The following TULP4 variants were observed in gnomAD, a reference collection of about 807,000 sequenced individuals.
The protein encoded by TULP4 is TUB like protein 4.
TULP4 carries 16 observed loss-of-function variants against 129.0 expected under a neutral mutation model. That is an observed-to-expected ratio of 0.12 (90% CI 0.08 to 0.19). The LOEUF (loss-of-function observed/expected upper bound fraction) is 0.19. Among genes scored for constraint, TULP4 ranks in the 10% least tolerant of loss-of-function variants. TULP4 has a pLI of 1.00. For synonymous variants in TULP4, 998 were observed against 854.0 expected, an observed-to-expected ratio of 1.17 and a Z score of -2.94; for missense variants, 1,842 against 2,059.1, an observed-to-expected ratio of 0.89 and a Z score of 2.04.
At chr6:158,470,402 CT>C (rs1160888820) in intron 6 of TULP4, among the ~76,000 whole-genome samples, 1 of 152,256 alleles carries the variant, frequency 6.6e-6, no homozygotes, top group Admixed American at 6.5e-5. Context: ...CCGTTGCCGG[CT>C]TGAATGCCTG....
At chr6:158,481,608 G>A (rs1214680225) in intron 8 of TULP4, 9 of 394,524 alleles carry the variant, frequency 2.3e-5, no homozygotes, top group East Asian at 4.7e-5. Context: ...AGTATTCATC[G>A]AGTGCCTTCA....
chr6:158,490,380 A>G (rs2128254942), intron 9 of TULP4, among the ~76,000 whole-genome samples: 2 of 152,292 alleles, frequency 1.3e-5, no homozygotes, highest in Admixed American at 1.3e-4. Context: ...GCAATAGAGC[A>G]AGACTGCACC....
chr6:158,372,142 T>TTA (rs10634551), intron 1 of TULP4, among the ~76,000 whole-genome samples: 71,480 of 120,716 alleles, frequency 0.59, 22,118 homozygotes, highest in South Asian at 0.62. Context: ...TTTTTTTTTT[T>TTA]AATACAATTC....
chr6:158,498,645 T>A (rs750136346), intron 11 of TULP4, 24 bp from the exon 12 acceptor site: 1 of 1,614,104 alleles, frequency 6.2e-7, no homozygotes, highest in East Asian at 2.2e-5. Context: ...CTCTGTTAAC[T>A]GTGCCCTTCT....
intron 1 of TULP4, among the ~76,000 whole-genome samples, chr6:158,301,014 T>C (rs1779121592): frequency 6.6e-6 from 1 of 152,246 alleles, no homozygotes; most frequent in African/African-American, 2.4e-5. Flanking sequence ...TAGAGTGGTA[T>C]GAGATCTAAT....
chr6:158,509,145 C>T lies in TULP4; in HGVS notation c.*2451C>T, dbSNP rs1310022036. Reference sequence around the variant, plus strand: ...CCTCAGGTGATCCGCCCGCCTCGGCCTCCCAAAGTGCTGGGATTACAGACG... The same window carrying T: ...CCTCAGGTGATCCGCCCGCCTCGGCTTCCCAAAGTGCTGGGATTACAGACG... On this transcript the variant is annotated 3_prime_UTR_variant, in exon 14 of 14. Transcript: ENST00000367097. 6.6e-6 allele frequency: 1 copy of T among 152,014 alleles called. No individual in the cohort carries two copies. The highest frequency in any genetic ancestry group is 1.5e-5 in the Non-Finnish European group (1 of 68,012). The allele number at this position is 152,014 out of a possible 1,614,324, so 9.4% of individuals were successfully genotyped here.
At chr6:158,293,197 A>C (rs1247102476) in intron 1 of TULP4, among the ~76,000 whole-genome samples, 1 of 152,248 alleles carries the variant, frequency 6.6e-6, no homozygotes, top group Non-Finnish European at 1.5e-5. Flanking sequence ...AATAGGGAGT[A>C]GCTTTCCTTG....
chr6:158,260,946 G>A (rs999175425), intron 1 of TULP4, among the ~76,000 whole-genome samples: 15 of 151,366 alleles, frequency 9.9e-5, no homozygotes, highest in Non-Finnish European at 1.6e-4. Flanking sequence ...TCAGCCTCCC[G>A]AGTAGCTGGG....
rs1453386849 is a variant in TULP4 at position 158,478,951 on chromosome 6, C to CGTCA, written c.1027-797_1027-794dup. Among the ~76,000 whole-genome samples the CGTCA allele has an allele frequency of 2.0e-5, 3 of 152,242 alleles. No homozygotes were observed. In the East Asian group the frequency reaches 5.8e-4, roughly 29 times the overall value. On this transcript the variant is annotated intron_variant, in intron 6 of 13. Transcript: ENST00000367097. ...TCCAGGGAGCTTTCTTTCCCTGCAC[C>CGTCA]GTCAGTGCCAAGGGAGGCTGAAAAT...
At chr6:158,250,762 C>T (rs1466241813) in intron 1 of TULP4, among the ~76,000 whole-genome samples, 2 of 152,140 alleles carry the variant, frequency 1.3e-5, no homozygotes, top group African/African-American at 2.4e-5. Flanking sequence ...CTTTCTCCCC[C>T]ACATGACTGA....
At chr6:158,262,977 A>G (rs2128458256) in intron 1 of TULP4, among the ~76,000 whole-genome samples, 1 of 152,286 alleles carries the variant, frequency 6.6e-6, no homozygotes, top group South Asian at 2.1e-4. Context: ...TAATAATACC[A>G]TATGTGTGGA....
rs533905790 is a variant in TULP4 at position 158,312,946 on chromosome 6, T to C, written c.-1071T>C. 6.6e-6 allele frequency: 1 copy of C among 152,362 alleles called. No individual in the cohort carries two copies. Among genetic ancestry groups the C allele is most frequent in the African/African-American group, 2.4e-5 (1 of 41,564 alleles). The allele number at this position is 152,362 out of a possible 1,614,324, so 9.4% of individuals were successfully genotyped here. Reference sequence around the variant, plus strand: ...ACTTCCCTGTCAAGTCCAAGAAGACTTGCGTATGAGAAGATTACCTGATGG... The same window carrying C: ...ACTTCCCTGTCAAGTCCAAGAAGACCTGCGTATGAGAAGATTACCTGATGG... On this transcript the variant is annotated 5_prime_UTR_variant, in exon 1 of 14. Transcript: ENST00000367097.
upstream of TULP4, among the ~76,000 whole-genome samples, chr6:158,307,984 A>G (rs1779246522): frequency 6.6e-6 from 1 of 151,632 alleles, no homozygotes; most frequent in Non-Finnish European, 1.5e-5. Flanking sequence ...TTGAAAGCTC[A>G]GTTTTTCTTT....
At chr6:158,348,247 G>A (rs1780365490) in intron 1 of TULP4, among the ~76,000 whole-genome samples, 1 of 145,558 alleles carries the variant, frequency 6.9e-6, no homozygotes, top group Non-Finnish European at 1.5e-5. Flanking sequence ...AGGGTCATAG[G>A]ATAATAGTGG....
chr6:158,365,826 T>C (rs1271812586), intron 1 of TULP4, among the ~76,000 whole-genome samples: 2 of 151,698 alleles, frequency 1.3e-5, no homozygotes, highest in Non-Finnish European at 2.9e-5. Context: ...TGTTTTTATT[T>C]TGTCAGGAGA....
intron 1 of TULP4, among the ~76,000 whole-genome samples, chr6:158,233,803 G>A (rs1254734434): frequency 1.3e-5 from 2 of 152,210 alleles, no homozygotes. Flanking sequence ...TAGTTCTTCA[G>A]TTTAAAGAAT....
chr6:158,420,209 A>G (rs533193872), intron 2 of TULP4, among the ~76,000 whole-genome samples: 219 of 152,374 alleles, frequency 1.4e-3, no homozygotes, highest in African/African-American at 5.0e-3. Flanking sequence ...CTGAAATTTG[A>G]ATTTTATGTA....
intron 1 of TULP4, among the ~76,000 whole-genome samples, chr6:158,302,083 A>T (rs1266054961): frequency 1.3e-5 from 2 of 152,168 alleles, no homozygotes; most frequent in Non-Finnish European, 2.9e-5. Flanking sequence ...TTAACAGTCA[A>T]TTCTTTATCA....
At chr6:158,243,424 C>CGTGT (rs370737011) in intron 1 of TULP4, among the ~76,000 whole-genome samples, 10 of 148,600 alleles carry the variant, frequency 6.7e-5, no homozygotes, top group Middle Eastern at 3.4e-3. Context: ...TGGGCGTGTA[C>CGTGT]GTGTGTGTGT....
Sources: allele counts gnomAD v4.1 joint callset (sites outside exome capture counted in the v4.1 genomes callset), GRCh38; gene constraint gnomAD v4.1.1; transcripts MANE v1.5; gene names NCBI Gene and HGNC (gene_info 2026-07-23, HGNC 2026-07-21).